KANSL1: variants seen among roughly 807,000 people sequenced by gnomAD.
KANSL1 encodes MLL1/MLL complex subunit KANSL1.
A neutral mutation model predicts 103.6 loss-of-function variants in KANSL1; 22 were observed. That is an observed-to-expected ratio of 0.21 (90% CI 0.15 to 0.30). The LOEUF is 0.30. KANSL1 is among the 10% of genes least tolerant of loss of function. The pLI, the probability that KANSL1 is intolerant of heterozygous loss-of-function variation, is 1.00. For missense variants in KANSL1, 1,337 were observed against 1,399.8 expected, an observed-to-expected ratio of 0.96 and a Z score of 0.72; for synonymous variants, 600 against 527.6, an observed-to-expected ratio of 1.14 and a Z score of -1.88.
chr17:46,204,503 T>C (rs958463376), intron 1 of KANSL1, among the ~76,000 whole-genome samples: 6 of 152,232 alleles, frequency 3.9e-5, no homozygotes, highest in Non-Finnish European at 8.8e-5. Context: ...ATTATCTTCA[T>C]TCAGTAATTA....
rs1354533212 is a variant in KANSL1, at chr17:46,143,717, T to C, written c.1289+27138A>G. On this transcript the variant is annotated intron_variant, in intron 2 of 14. Coordinates refer to ENST00000432791, the MANE Select transcript of KANSL1 (RefSeq NM_015443.4). ...TACTCAGGAGGCTGAGGCAGGAGAA[T>C]GGCGTGAACCCAGGAGGCAGAGCTT... Among the ~76,000 whole-genome samples, 9 of 137,406 alleles carry C rather than the reference T, an allele frequency of 6.5e-5. No individual in the cohort carries two copies. The Admixed American group carries it at 6.7e-4, about 10-fold the overall frequency. 90.1% of individuals were successfully genotyped at this position (137,406 alleles called of 152,430 possible).
chr17:46,200,775 G>A (rs183836789), intron 1 of KANSL1, among the ~76,000 whole-genome samples: 20 of 152,008 alleles, frequency 1.3e-4, no homozygotes, highest in East Asian at 7.7e-4. Flanking sequence ...TTCTTTTTAC[G>A]TCAGTTGCTG....
At chr17:46,032,325 A>G (rs1247152227) in intron 13 of KANSL1, 26 bp from the exon 14 acceptor site, 1 of 1,490,310 alleles carries the variant, frequency 6.7e-7, no homozygotes, top group Non-Finnish European at 8.9e-7. Context: ...TGCAAATCTG[A>G]GTGCCTGGGA....
chr17:46,048,045 C>T (rs1052951606), intron 7 of KANSL1, among the ~76,000 whole-genome samples: 2 of 151,734 alleles, frequency 1.3e-5, no homozygotes, highest in South Asian at 2.1e-4. Flanking sequence ...GTAGCTGGGA[C>T]GACAGGCGTG....
At chr17:46,153,121 A>G (rs2045214421) in intron 2 of KANSL1, among the ~76,000 whole-genome samples, 1 of 152,004 alleles carries the variant, frequency 6.6e-6, no homozygotes. Context: ...TATCACAAGG[A>G]TTTTTTTTTA....
In KANSL1 at chr17:46,119,331, T is replaced by C. The variant is rs527970998; in HGVS notation, c.1290-24630A>G. Among the ~76,000 whole-genome samples the C allele has an allele frequency of 5.1e-3, 768 of 152,066 alleles. 18 individuals carry two copies. The highest frequency in any genetic ancestry group is 0.018 in the African/African-American group (741 of 41,472). ...TCCTCAATTTTCTTTTTCTTTTTTT[T>C]TTTTTTGAGATGGGGAGTCTCGCTC... On this transcript the variant is annotated intron_variant, in intron 2 of 14. Coordinates refer to ENST00000432791, the MANE Select transcript of KANSL1 (RefSeq NM_015443.4).
In KANSL1 at chr17:46,039,309, G is replaced by A. The variant is rs547150217; in HGVS notation, c.2204-94C>T. 3.9e-5 allele frequency: 46 copies of A among 1,176,844 alleles called. 1 individual carries two copies. In the South Asian group the frequency reaches 6.6e-4, roughly 17 times the overall value. The allele number at this position is 1,176,844 out of a possible 1,614,324, so 72.9% of individuals were successfully genotyped here. The stretch of plus-strand genomic sequence containing the variant: ...GCTCTCGAGTTCTCTCTAGGCCAAC[G>A]CCGTATACCCAGGGCAGCAGGACAG... On this transcript the variant is annotated intron_variant, in intron 8 of 14. Transcript: ENST00000432791.
At chr17:46,064,730 T>C (rs1374927681) in intron 6 of KANSL1, among the ~76,000 whole-genome samples, 1 of 152,114 alleles carries the variant, frequency 6.6e-6, no homozygotes, top group African/African-American at 2.4e-5. Context: ...CCCAATCCTT[T>C]CCTCATCTTT....
At chr17:46,098,520 T>A (rs1490685235) in intron 2 of KANSL1, among the ~76,000 whole-genome samples, 5 of 152,266 alleles carry the variant, frequency 3.3e-5, no homozygotes, top group African/African-American at 1.2e-4. Context: ...AGAACTTTGA[T>A]AAATACACTT....
At chr17:46,100,377 C>G (rs1437445451) in intron 2 of KANSL1, among the ~76,000 whole-genome samples, 1 of 148,062 alleles carries the variant, frequency 6.8e-6, no homozygotes, top group South Asian at 2.1e-4. Flanking sequence ...GTGACGGAGG[C>G]TGCCGTGGGC....
At chr17:46,193,611 C>T (rs1323030351), upstream of KANSL1, 2 of 279,940 alleles carry the variant, frequency 7.1e-6, no homozygotes, top group Non-Finnish European at 1.5e-5. Flanking sequence ...GTCATGGCTC[C>T]TCGCCGTGGC....
chr17:46,084,590 G>A (rs1430890123), intron 3 of KANSL1, among the ~76,000 whole-genome samples: 1 of 151,308 alleles, frequency 6.6e-6, no homozygotes, highest in Non-Finnish European at 1.5e-5. Flanking sequence ...GCTGAGGCAG[G>A]AGAATCGCTT....
chr17:46,117,500 T>C (rs981724790), intron 2 of KANSL1, among the ~76,000 whole-genome samples: 4 of 152,256 alleles, frequency 2.6e-5, no homozygotes, highest in Non-Finnish European at 4.4e-5. Context: ...GTCTGTTAAA[T>C]AGATATTAGT....
At chr17:46,197,377 T>C (rs2047646846), upstream of KANSL1, among the ~76,000 whole-genome samples, 1 of 152,244 alleles carries the variant, frequency 6.6e-6, no homozygotes, top group South Asian at 2.1e-4. Flanking sequence ...GCGTGGTGGC[T>C]CATGCCTGTA....
At chr17:46,188,598 C>A (rs2047143958) in intron 1 of KANSL1, among the ~76,000 whole-genome samples, 1 of 152,222 alleles carries the variant, frequency 6.6e-6, no homozygotes. Context: ...CTGCCCTGTA[C>A]TCCTTTCTTA....
intron 2 of KANSL1, among the ~76,000 whole-genome samples, chr17:46,099,255 C>T (rs2042207773): frequency 1.4e-5 from 2 of 141,440 alleles, no homozygotes; most frequent in South Asian, 4.3e-4. Context: ...ACCCGGAAGG[C>T]GGAGCTTGCA....
chr17:46,076,688 ACATCT>A (rs1475133302), intron 4 of KANSL1, among the ~76,000 whole-genome samples: 1 of 152,020 alleles, frequency 6.6e-6, no homozygotes, highest in Non-Finnish European at 1.5e-5. Context: ...AATACAGCAT[ACATCT>A]CCGTTCACTT....
Position 46,034,198 on chromosome 17 carries a change from C to A in KANSL1, c.2629G>T (p.Val877Leu). Residue 877 changes from valine to leucine, a missense_variant, in exon 11 of 15, where the codon GTA becomes TTA. By Grantham distance (32) the Val-to-Leu change is conservative. Transcript: ENST00000432791. ...IPMSVAATTRVEKLQYKEILT... is the reference protein window; with the variant it reads ...IPMSVAATTRLEKLQYKEILT... Reference sequence around the variant, plus strand: ...ATTTCCTTGTATTGCAGTTTCTCTACGCGAGTTGTTGCAGCAACAGACATT... The same window carrying A: ...ATTTCCTTGTATTGCAGTTTCTCTAAGCGAGTTGTTGCAGCAACAGACATT... 6.2e-7 allele frequency: 1 copy of A among 1,614,104 alleles called. No homozygotes were observed. Among genetic ancestry groups the A allele is most frequent in the South Asian group, 1.1e-5 (1 of 91,074 alleles).
chr17:46,034,206 G>T lies in KANSL1; in HGVS notation c.2621C>A (p.Thr874Lys). 1 of 1,614,180 alleles carries T rather than the reference G, an allele frequency of 6.2e-7. No individual in the cohort carries two copies. The highest frequency in any genetic ancestry group is 8.5e-7 in the Non-Finnish European group (1 of 1,180,012). ...NIVIPMSVAA[T>K]TRVEKLQYKE... is the part of the protein sequence containing the mutation. ...GTATTGCAGTTTCTCTACGCGAGTT[G>T]TTGCAGCAACAGACATTGGGATGAC... Residue 874 changes from threonine (T) to lysine (K), a missense_variant, in exon 11 of 15, where the codon ACA becomes AAA. Transcript: ENST00000432791.
Sources: gnomAD v4.1 joint callset for allele counts (sites outside exome capture counted in the v4.1 genomes callset) on GRCh38, gnomAD v4.1.1 for gene constraint, MANE v1.5 for transcripts, NCBI Gene and HGNC (gene_info 2026-07-23, HGNC 2026-07-21) for gene names.